Variants in CABLES1 observed in about 807,000 individuals in gnomAD.
CABLES1 encodes Cdk5 and Abl enzyme substrate 1.
CABLES1 carries 36 observed loss-of-function variants against 57.8 expected under a neutral mutation model. That is an observed-to-expected ratio of 0.62 (90% CI 0.48 to 0.82). The LOEUF is 0.82. Ranked by LOEUF, CABLES1 falls within the 40% of genes least tolerant of loss-of-function variation. The pLI is 0.00. For missense variants in CABLES1, 767 were observed against 836.6 expected (o/e 0.92, Z 1.03); for synonymous variants, 374 against 363.0 (o/e 1.03, Z -0.35).
chr18:23,147,090 G>A (rs7230832), intron 1 of CABLES1, among the ~76,000 whole-genome samples: 2 of 152,192 alleles, frequency 1.3e-5, no homozygotes, highest in African/African-American at 2.4e-5. Flanking sequence ...CCTCGGGCAG[G>A]CCAATAGAAC....
intron 4 of CABLES1, among the ~76,000 whole-genome samples, chr18:23,222,434 T>C (rs2145065143): frequency 6.6e-6 from 1 of 152,132 alleles, no homozygotes; most frequent in Non-Finnish European, 1.5e-5. Context: ...TAGTGGTCAC[T>C]CTGGTTTTAT....
rs553055604 is a variant in CABLES1 at position 23,145,259 on chromosome 18, G to A, written c.845+8652G>A. On this transcript the variant is annotated intron_variant, in intron 1 of 9. Transcript: ENST00000256925. ...GCCTAATTTTTGTATTTTTAGTAGA[G>A]ATGAGGTTTCATCATGTTAGCCAGG... Among the ~76,000 whole-genome samples, 25 of 151,984 alleles carry A rather than the reference G, an allele frequency of 1.6e-4. No homozygotes were observed. In the South Asian group the frequency reaches 4.8e-3, roughly 29 times the overall value.
intron 2 of CABLES1, chr18:23,189,314 T>TC (rs2047225158): frequency 5.6e-6 from 1 of 177,160 alleles, no homozygotes; most frequent in Admixed American, 5.5e-5. Context: ...ACGATGTCGC[T>TC]CCCTGGCTAG....
chr18:23,175,087 A>G (rs150891181), intron 1 of CABLES1, among the ~76,000 whole-genome samples: 1 of 152,090 alleles, frequency 6.6e-6, no homozygotes, highest in East Asian at 1.9e-4. Context: ...TTCAATGGTG[A>G]TTATATCCTT....
rs570152986 is a variant in CABLES1 at position 23,160,329 on chromosome 18, G to A, written c.845+23722G>A. ...CAGGCGTGAGCCACCGCGCCTAGCC[G>A]TGTTGGTTTTCAAATAGCTATTTTG... is the stretch of plus-strand genomic sequence containing the variant. On this transcript the variant is annotated intron_variant, in intron 1 of 9. Transcript: ENST00000256925. 1.2e-4 allele frequency among the ~76,000 whole-genome samples: 19 copies of A among 152,202 alleles called. No individual in the cohort carries two copies. In the East Asian group the frequency reaches 3.1e-3, roughly 25 times the overall value.
chr18:23,210,694 T>C (rs1806505597), intron 3 of CABLES1, among the ~76,000 whole-genome samples: 1 of 152,222 alleles, frequency 6.6e-6, no homozygotes, highest in African/African-American at 2.4e-5. Flanking sequence ...TGCTGCTACT[T>C]GCCTGCTGTG....
intron 1 of CABLES1, among the ~76,000 whole-genome samples, chr18:23,160,964 C>G (rs2046999669): frequency 6.6e-6 from 1 of 152,098 alleles, no homozygotes; most frequent in African/African-American, 2.4e-5. Flanking sequence ...ACCTAGGAGG[C>G]AAAGGTTGCA....
chr18:23,151,103 C>T (rs1164319111), intron 1 of CABLES1, among the ~76,000 whole-genome samples: 2 of 146,006 alleles, frequency 1.4e-5, no homozygotes, highest in African/African-American at 5.1e-5. Flanking sequence ...ACTGCAAGCT[C>T]TGCCTCCTGG....
At chr18:23,192,359 G>T (rs550759644) in intron 2 of CABLES1, among the ~76,000 whole-genome samples, 20 of 152,354 alleles carry the variant, frequency 1.3e-4, no homozygotes, top group Non-Finnish European at 2.6e-4. Context: ...TCCTTTGCTG[G>T]TACAGACAGC....
At chr18:23,199,678 G>A (rs753329200) in intron 3 of CABLES1, among the ~76,000 whole-genome samples, 7 of 152,184 alleles carry the variant, frequency 4.6e-5, no homozygotes, top group Non-Finnish European at 1.0e-4. Flanking sequence ...GAGGTAACCA[G>A]GGGTTAGGGC....
chr18:23,209,508 A>G (rs1481086412), intron 3 of CABLES1, among the ~76,000 whole-genome samples: 1 of 152,038 alleles, frequency 6.6e-6, no homozygotes, highest in African/African-American at 2.4e-5. Context: ...GAATTTTTGC[A>G]TGTGTGCCTA....
intron 1 of CABLES1, among the ~76,000 whole-genome samples, chr18:23,165,539 G>T (rs965244878): frequency 1.3e-5 from 2 of 151,570 alleles, no homozygotes; most frequent in Non-Finnish European, 2.9e-5. Context: ...TGCCCCCCCA[G>T]TCCCTGGCAA....
At position 23,184,030 on chromosome 18, in the gene CABLES1, C is replaced by T. The variant is rs142953544; in HGVS notation, c.846-4808C>T. Reference sequence around the variant, plus strand: ...TGACACTACCAGTTCACAGGGCAACCCTTGAGGCAGGGAACAGGTCCTCAT... The same window carrying T: ...TGACACTACCAGTTCACAGGGCAACTCTTGAGGCAGGGAACAGGTCCTCAT... On this transcript the variant is annotated intron_variant, in intron 1 of 9. Coordinates refer to ENST00000256925, the MANE Select transcript of CABLES1 (RefSeq NM_001100619.3). 1.9e-3 allele frequency among the ~76,000 whole-genome samples: 285 copies of T among 152,198 alleles called. 4 individuals are homozygous for T. Among genetic ancestry groups the T allele is most frequent in the African/African-American group, 6.8e-3 (282 of 41,518 alleles).
At chr18:23,204,383 T>G (rs945248559) in intron 3 of CABLES1, 8 of 152,218 alleles carry the variant, frequency 5.3e-5, no homozygotes, top group East Asian at 1.9e-4. Flanking sequence ...GCTCAGTACC[T>G]CGCGCTTGTG....
intron 7 of CABLES1, among the ~76,000 whole-genome samples, chr18:23,237,503 C>T (rs2047632526): frequency 6.6e-6 from 1 of 152,240 alleles, no homozygotes; most frequent in Non-Finnish European, 1.5e-5. Flanking sequence ...GGACCCTCTC[C>T]TCTGAAGGGG....
At chr18:23,174,852 A>ATATATATATATATG in intron 1 of CABLES1, among the ~76,000 whole-genome samples, 1 of 139,322 alleles carries the variant, frequency 7.2e-6, no homozygotes, top group Non-Finnish European at 1.5e-5. Context: ...ATATATATAT[A>ATATATATATATATG]TATATATATG....
intron 7 of CABLES1, among the ~76,000 whole-genome samples, chr18:23,250,492 CAACCCAGAGATTT>C (rs1283954322): frequency 3.9e-5 from 6 of 152,182 alleles, no homozygotes; most frequent in Admixed American, 3.9e-4. Flanking sequence ...ACGTCCCCTT[CAACCCAGAGATTT>C]AACCCAGAGG....
At chr18:23,146,856 C>T (rs995621881) in intron 1 of CABLES1, among the ~76,000 whole-genome samples, 2 of 152,096 alleles carry the variant, frequency 1.3e-5, no homozygotes, top group Admixed American at 6.6e-5. Context: ...TTAAGAAAAA[C>T]GTAAGAAAGA....
At chr18:23,209,364 CA>C (rs2047387271) in intron 3 of CABLES1, among the ~76,000 whole-genome samples, 1 of 152,200 alleles carries the variant, frequency 6.6e-6, no homozygotes, top group Admixed American at 6.5e-5. Flanking sequence ...CCTGTACTTA[CA>C]AATAAGGCCA....
Sources: allele counts gnomAD v4.1 joint callset (sites outside exome capture counted in the v4.1 genomes callset), GRCh38; gene constraint gnomAD v4.1.1; transcripts MANE v1.5; gene names NCBI Gene and HGNC (gene_info 2026-07-23, HGNC 2026-07-21).